The following LPAR3 variants were observed in gnomAD, a reference collection of about 807,000 sequenced individuals.
LPAR3 encodes LPA receptor 3.
Under a neutral mutation model 17.8 loss-of-function variants are expected in LPAR3, and 7 were observed. That is an observed-to-expected ratio of 0.39 (90% confidence interval 0.22 to 0.74). The LOEUF (loss-of-function observed/expected upper bound fraction) is 0.74, where lower values mean the gene tolerates loss of function less well. LPAR3 is among the 30% of genes least tolerant of loss of function. LPAR3 has a pLI of 0.40. For synonymous variants in LPAR3, 179 were observed against 179.9 expected, an observed-to-expected ratio of 0.99 and a Z score of 0.04; for missense variants, 391 against 453.4, an observed-to-expected ratio of 0.86 and a Z score of 1.25.
chr1:84,860,177 A>G (rs947655979), intron 2 of LPAR3, among the ~76,000 whole-genome samples: 1 of 152,160 alleles, frequency 6.6e-6, no homozygotes, highest in Non-Finnish European at 1.5e-5. Context: ...CCAATCATGC[A>G]CACACAGATT....
intron 2 of LPAR3, among the ~76,000 whole-genome samples, chr1:84,831,174 C>T (rs1659276450): frequency 6.6e-6 from 1 of 152,194 alleles, no homozygotes. Context: ...GTGAACCTCA[C>T]CTTGTGTGAG....
intron 2 of LPAR3, among the ~76,000 whole-genome samples, chr1:84,831,830 T>TGA (rs1557592652): frequency 1.4e-4 from 17 of 123,196 alleles, no homozygotes; most frequent in Non-Finnish European, 2.9e-4. Flanking sequence ...GTAAACTGTA[T>TGA]CATATATATA....
chr1:84,876,712 C>T (rs553798431), intron 1 of LPAR3, among the ~76,000 whole-genome samples: 1 of 152,194 alleles, frequency 6.6e-6, no homozygotes. Flanking sequence ...CTACAGTTGT[C>T]TTTCAAAGTA....
At chr1:84,889,523 A>G (rs1374233849) in intron 1 of LPAR3, among the ~76,000 whole-genome samples, 1 of 152,214 alleles carries the variant, frequency 6.6e-6, no homozygotes, top group Non-Finnish European at 1.5e-5. Flanking sequence ...ACGAAATTAA[A>G]GCTTCTTTGG....
intron 2 of LPAR3, among the ~76,000 whole-genome samples, chr1:84,864,447 C>T (rs1227508709): frequency 6.6e-6 from 1 of 152,150 alleles, no homozygotes; most frequent in Non-Finnish European, 1.5e-5. Flanking sequence ...ATAGGTTAAA[C>T]AATTTTCCTG....
intron 1 of LPAR3, among the ~76,000 whole-genome samples, chr1:84,879,256 T>C (rs1660313769): frequency 6.6e-6 from 1 of 152,150 alleles, no homozygotes; most frequent in Admixed American, 6.5e-5. Flanking sequence ...TTTAGCTTTA[T>C]GTTCTGTAGG....
chr1:84,833,003 C>T (rs977489006), intron 2 of LPAR3, among the ~76,000 whole-genome samples: 1 of 152,100 alleles, frequency 6.6e-6, no homozygotes, highest in African/African-American at 2.4e-5. Context: ...AGTGAAGAAA[C>T]TTCTAAACCA....
chr1:84,879,713 G>C (rs1157565949), intron 1 of LPAR3, among the ~76,000 whole-genome samples: 1 of 152,078 alleles, frequency 6.6e-6, no homozygotes, highest in African/African-American at 2.4e-5. Context: ...TTGCAGCTAG[G>C]GTGGCTGCGT....
intron 2 of LPAR3, among the ~76,000 whole-genome samples, chr1:84,861,601 G>C (rs576646168): frequency 6.6e-6 from 1 of 152,202 alleles, no homozygotes; most frequent in South Asian, 2.1e-4. Context: ...GAAAATGAAA[G>C]AATTGGGGGT....
chr1:84,865,494 G>C lies in LPAR3; in HGVS notation c.627C>G (p.Ile209Met), dbSNP rs1337340740. ...FLIMVVVYLR[I>M]YVYVKRKTNV... ...TGGTTTTCCTCTTGACGTACACGTA[G>C]ATCCGCAGGTACACCACAACCATGA... is the stretch of plus-strand genomic sequence containing the variant. The change falls in exon 2 of 3, where the codon ATC (isoleucine) becomes ATG (methionine). Residue 209 changes from isoleucine (I) to methionine (M), a missense_variant. Coordinates refer to ENST00000370611, the MANE Select transcript of LPAR3 (RefSeq NM_012152.3). 14 of 1,614,072 alleles carry C rather than the reference G, an allele frequency of 8.7e-6. No homozygotes were observed. The highest frequency in any genetic ancestry group is 1.2e-5 in the Non-Finnish European group (14 of 1,180,058).
chr1:84,853,265 A>G (rs1659755291), intron 2 of LPAR3, among the ~76,000 whole-genome samples: 1 of 152,180 alleles, frequency 6.6e-6, no homozygotes, highest in Non-Finnish European at 1.5e-5. Context: ...TGGATCCCCC[A>G]GCTCCTGGCT....
intron 2 of LPAR3, among the ~76,000 whole-genome samples, chr1:84,816,780 G>A (rs944285573): frequency 6.6e-6 from 1 of 152,138 alleles, no homozygotes; most frequent in African/African-American, 2.4e-5. Context: ...CTGGGCAATA[G>A]AGCAAGACTC....
chr1:84,853,567 G>A (rs72718732), intron 2 of LPAR3, among the ~76,000 whole-genome samples: 1,630 of 152,132 alleles, frequency 0.011, 16 homozygotes, highest in South Asian at 0.059. Context: ...ATAAGCTCAC[G>A]CCCCACTGGC....
At chr1:84,872,611 A>G (rs1452082294) in intron 1 of LPAR3, among the ~76,000 whole-genome samples, 2 of 152,338 alleles carry the variant, frequency 1.3e-5, no homozygotes, top group East Asian at 3.9e-4. Flanking sequence ...TAAATAAATT[A>G]TTGAAAAAAA....
chr1:84,819,004 C>T (rs1049415416), intron 2 of LPAR3, among the ~76,000 whole-genome samples: 17 of 151,958 alleles, frequency 1.1e-4, no homozygotes, highest in Non-Finnish European at 5.9e-5. Flanking sequence ...CATTTTCCCC[C>T]TTCCACTGGT....
At chr1:84,858,500 AAAAAC>A (rs1659873814) in intron 2 of LPAR3, among the ~76,000 whole-genome samples, 1 of 151,790 alleles carries the variant, frequency 6.6e-6, no homozygotes. Context: ...AAAAAAAAAA[AAAAAC>A]CTAAAAAACA....
intron 2 of LPAR3, among the ~76,000 whole-genome samples, chr1:84,829,590 T>C (rs1208343169): frequency 2.0e-5 from 3 of 151,828 alleles, no homozygotes; most frequent in Non-Finnish European, 2.9e-5. Context: ...ATGAATGGCA[T>C]GGGCCTATAG....
intron 1 of LPAR3, among the ~76,000 whole-genome samples, chr1:84,884,324 C>T (rs1266386032): frequency 6.6e-6 from 1 of 152,124 alleles, no homozygotes; most frequent in Non-Finnish European, 1.5e-5. Context: ...GTGAGTATAC[C>T]CTTTCCGCAG....
intron 2 of LPAR3, among the ~76,000 whole-genome samples, chr1:84,850,393 C>CAAAAAAAAAA (rs561506398): frequency 5.2e-5 from 2 of 38,720 alleles, no homozygotes; most frequent in African/African-American, 1.1e-4. Flanking sequence ...TCTGTCTCTA[C>CAAAAAAAAAA]AAAAAAAAAA....
Sources: gnomAD v4.1 joint callset for allele counts (sites outside exome capture counted in the v4.1 genomes callset) on GRCh38, gnomAD v4.1.1 for gene constraint, MANE v1.5 for transcripts, NCBI Gene and HGNC (gene_info 2026-07-23, HGNC 2026-07-21) for gene names.